DLC1: variants seen among roughly 807,000 people sequenced by gnomAD.
The protein encoded by DLC1 is DLC1 Rho GTPase activating protein.
Under a neutral mutation model 140.3 loss-of-function variants are expected in DLC1, and 54 were observed. The ratio of observed to expected loss-of-function variants is 0.38; its 90% CI spans 0.31 to 0.48. DLC1 has a LOEUF of 0.48. Ranked by LOEUF, DLC1 falls within the 20% of genes least tolerant of loss-of-function variation. The pLI, the probability that DLC1 is intolerant of heterozygous loss-of-function variation, is 0.96. For missense variants in DLC1, 2,536 were observed against 1,907.0 expected, an observed-to-expected ratio of 1.33 and a Z score of -6.14; for synonymous variants, 986 against 728.1, an observed-to-expected ratio of 1.35 and a Z score of -5.70.
chr8:13,565,655 T>A (rs764633102), intron 1 of DLC1, among the ~76,000 whole-genome samples: 1 of 152,130 alleles, frequency 6.6e-6, no homozygotes, highest in Non-Finnish European at 1.5e-5. Flanking sequence ...TATATCTGGC[T>A]AGACCTGAAT....
At position 13,579,315 on chromosome 8, in the gene DLC1, TTATATATATATA is replaced by T. The variant is rs369773134; in HGVS notation, c.-126+25210_-126+25221del. On this transcript the variant is annotated intron_variant, in intron 1 of 1. Coordinates refer to the DLC1 transcript ENST00000631382. ...AAAGTCAGATACCACAGGTCTGACTTTATATATATATATATATATATATATATATATATATAT... is the reference window on the plus strand; with the variant it reads ...AAAGTCAGATACCACAGGTCTGACTTTATATATATATATATATATATATAT... Among the ~76,000 whole-genome samples, 36 of 10,668 alleles carry T rather than the reference TTATATATATATA, an allele frequency of 3.4e-3. 1 individual carries two copies. The highest frequency in any genetic ancestry group is 0.011 in the African/African-American group (32 of 2,906). The allele number at this position is 10,668 out of a possible 152,430, so 7.0% of individuals were successfully genotyped here. A position where few individuals can be genotyped will look rare whatever the true frequency, so the allele number is the denominator to read the frequency against.
upstream of DLC1, among the ~76,000 whole-genome samples, chr8:13,519,093 C>G (rs965227425): frequency 6.6e-6 from 1 of 152,006 alleles, no homozygotes; most frequent in Non-Finnish European, 1.5e-5. Context: ...CTGCCCCCAT[C>G]AACTCGTTAT....
intron 11 of DLC1, 24 bp from the exon 12 acceptor site, chr8:13,094,981 G>T: frequency 6.2e-7 from 1 of 1,614,082 alleles, no homozygotes; most frequent in Non-Finnish European, 8.5e-7. Context: ...AACACTAAGT[G>T]TGGGGTACAT....
At chr8:13,303,806 A>C (rs1052911446) in intron 5 of DLC1, among the ~76,000 whole-genome samples, 1 of 152,192 alleles carries the variant, frequency 6.6e-6, no homozygotes, top group African/African-American at 2.4e-5. Context: ...CATCTCAAAA[A>C]AAAATATTAA....
intron 4 of DLC1, among the ~76,000 whole-genome samples, chr8:13,351,567 C>A (rs1340510788): frequency 3.9e-5 from 6 of 152,172 alleles, no homozygotes; most frequent in Non-Finnish European, 5.9e-5. Context: ...AAATAGAAAT[C>A]ATAGTGTCCA....
chr8:13,210,852 C>T (rs568429570), intron 5 of DLC1, among the ~76,000 whole-genome samples: 265 of 152,290 alleles, frequency 1.7e-3, no homozygotes, highest in African/African-American at 5.9e-3. Context: ...AAGTCTCTTT[C>T]CCTGGTCTGA....
chr8:13,158,850 C>T lies in DLC1; in HGVS notation c.1349-43193G>A, dbSNP rs67404687. On this transcript the variant is annotated intron_variant, in intron 5 of 17. Coordinates refer to ENST00000276297, the MANE Select transcript of DLC1 (RefSeq NM_182643.3). ...TAGTTTGTTTAGCTTCATTTTATGA[C>T]AGAGAGAAACAAATCCAGGGTCCCC... is the stretch of plus-strand genomic sequence containing the variant. Among the ~76,000 whole-genome samples the T allele has an allele frequency of 2.0e-5, 3 of 150,892 alleles. No homozygotes were observed. The East Asian group carries it at 5.9e-4, about 30-fold the overall frequency.
At chr8:13,237,408 A>G (rs1259546352) in intron 5 of DLC1, among the ~76,000 whole-genome samples, 2 of 151,664 alleles carry the variant, frequency 1.3e-5, no homozygotes, top group African/African-American at 4.8e-5. Flanking sequence ...TATGAACTTC[A>G]GTTAAATGAG....
chr8:13,325,324 C>T (rs974602848), intron 4 of DLC1, among the ~76,000 whole-genome samples: 23 of 151,988 alleles, frequency 1.5e-4, no homozygotes. Context: ...ATTTCACGGA[C>T]GGCAAAAAGG....
At chr8:13,515,124 CG>C (rs1802542700), upstream of DLC1, among the ~76,000 whole-genome samples, 1 of 152,084 alleles carries the variant, frequency 6.6e-6, no homozygotes, top group Non-Finnish European at 1.5e-5. Flanking sequence ...AGAAAGAAAA[CG>C]TAGTTTTCTC....
intron 5 of DLC1, among the ~76,000 whole-genome samples, chr8:13,255,942 T>C (rs1218655578): frequency 6.6e-6 from 1 of 152,198 alleles, no homozygotes; most frequent in East Asian, 1.9e-4. Flanking sequence ...ATCATTTTGC[T>C]ACAACACAGT....
intron 5 of DLC1, among the ~76,000 whole-genome samples, chr8:13,285,408 T>A (rs759548986): frequency 1.3e-5 from 2 of 152,168 alleles, no homozygotes; most frequent in Non-Finnish European, 2.9e-5. Flanking sequence ...AAATGGAACA[T>A]AGACCACAGA....
intron 1 of DLC1, among the ~76,000 whole-genome samples, chr8:13,604,236 G>A (rs1373142209): frequency 6.6e-6 from 1 of 152,082 alleles, no homozygotes; most frequent in African/African-American, 2.4e-5. Context: ...AAAAAATTAT[G>A]TGACAGAGGA....
chr8:13,187,456 G>T (rs1289692780), intron 5 of DLC1, among the ~76,000 whole-genome samples: 1 of 152,074 alleles, frequency 6.6e-6, no homozygotes, highest in Non-Finnish European at 1.5e-5. Context: ...ATTTTAGTAT[G>T]GTATCTTGAA....
intron 2 of DLC1, among the ~76,000 whole-genome samples, chr8:13,420,495 C>T (rs1396000713): frequency 1.3e-5 from 2 of 152,010 alleles, no homozygotes; most frequent in Non-Finnish European, 2.9e-5. Flanking sequence ...CACCTATCAA[C>T]CCGTCATTTA....
At chr8:13,562,585 C>T (rs957232109) in intron 1 of DLC1, among the ~76,000 whole-genome samples, 1 of 152,138 alleles carries the variant, frequency 6.6e-6, no homozygotes, top group African/African-American at 2.4e-5. Flanking sequence ...GCTGGCCAGG[C>T]TTTTGGGAAC....
chr8:13,398,781 G>A (rs7008120), intron 3 of DLC1, among the ~76,000 whole-genome samples: 19,923 of 152,076 alleles, frequency 0.13, 1,610 homozygotes, highest in Non-Finnish European at 0.19. Flanking sequence ...GAATGGAGAT[G>A]AGGATGGAGA....
intron 1 of DLC1, among the ~76,000 whole-genome samples, chr8:13,511,114 C>G (rs1007049462): frequency 2.0e-5 from 3 of 152,092 alleles, no homozygotes; most frequent in Non-Finnish European, 4.4e-5. Flanking sequence ...GTATCTAAAC[C>G]TGCTGTTTGA....
At chr8:13,589,109 C>T (rs1805428900) in intron 1 of DLC1, among the ~76,000 whole-genome samples, 1 of 151,990 alleles carries the variant, frequency 6.6e-6, no homozygotes, top group African/African-American at 2.4e-5. Context: ...CCAAGTTTTT[C>T]TTTGTATTTT....
Sources: gnomAD v4.1 joint callset for allele counts (sites outside exome capture counted in the v4.1 genomes callset) on GRCh38, gnomAD v4.1.1 for gene constraint, MANE v1.5 for transcripts, NCBI Gene and HGNC (gene_info 2026-07-23, HGNC 2026-07-21) for gene names.